The following CHRNA7 variants were observed in gnomAD, a reference collection of about 807,000 sequenced individuals.
CHRNA7 encodes the protein cholinergic receptor nicotinic alpha 7 subunit, also known as neuronal acetylcholine receptor subunit alpha-7.
A neutral mutation model predicts 48.0 loss-of-function variants in CHRNA7; 17 were observed. That is an observed-to-expected ratio of 0.35 (90% confidence interval 0.24 to 0.53). The LOEUF is 0.53. Among genes scored for constraint, CHRNA7 ranks in the 20% least tolerant of loss-of-function variants. CHRNA7 has a pLI of 0.92. For missense variants in CHRNA7, 155 were observed against 577.7 expected (o/e 0.27, Z 7.50); for synonymous variants, 75 against 242.3 (o/e 0.31, Z 6.41).
chr15:32,138,726 CTGTTA>C (rs1555386929), intron 4 of CHRNA7, among the ~76,000 whole-genome samples: 2 of 73,454 alleles, frequency 2.7e-5, no homozygotes, highest in Admixed American at 2.9e-4. Context: ...AGCCATTGAC[CTGTTA>C]TGTTTTGTTT....
At chr15:32,136,892 C>T (rs1472626960) in intron 4 of CHRNA7, among the ~76,000 whole-genome samples, 5 of 149,924 alleles carry the variant, frequency 3.3e-5, no homozygotes, top group African/African-American at 9.9e-5. Context: ...ATTAGCCGGG[C>T]GTGGTGGCGG....
At chr15:32,069,970 T>C (rs965645283) in intron 2 of CHRNA7, among the ~76,000 whole-genome samples, 2 of 152,112 alleles carry the variant, frequency 1.3e-5, no homozygotes, top group African/African-American at 2.4e-5. Context: ...TATCTGATTT[T>C]CCCCCCGCCC....
Position 32,101,333 on chromosome 15 carries a change from A to G in CHRNA7, c.226A>G (p.Ile76Val). 6.3e-7 allele frequency: 1 copy of G among 1,593,274 alleles called. No individual in the cohort carries two copies. The highest frequency in any genetic ancestry group is 8.5e-7 in the Non-Finnish European group (1 of 1,173,512). The change falls in exon 3 of 10, where the codon ATT becomes GTT. Residue 76 changes from isoleucine (I) to valine (V), a missense_variant. Ile to Val is a conservative substitution (Grantham distance 29). Transcript: ENST00000306901. Reference sequence around the variant, plus strand: ...GAAGAACCAAGTTTTAACCACCAACATTTGGCTGCAAATGGTAAGTTAAGA... The same window carrying G: ...GAAGAACCAAGTTTTAACCACCAACGTTTGGCTGCAAATGGTAAGTTAAGA... ...DEKNQVLTTN[I>V]WLQMSWTDHY...
chr15:32,037,317 T>C (rs1382161145), intron 2 of CHRNA7, among the ~76,000 whole-genome samples: 2 of 152,222 alleles, frequency 1.3e-5, no homozygotes, highest in Non-Finnish European at 2.9e-5. Context: ...AATAACACAG[T>C]CTTGATTACT....
intron 4 of CHRNA7, among the ~76,000 whole-genome samples, chr15:32,150,950 G>C (rs75918022): frequency 0.09 from 13,642 of 152,100 alleles, 867 homozygotes; most frequent in Non-Finnish European, 0.14. Flanking sequence ...GAAGTAAGGG[G>C]GGGGGATGTG....
At chr15:32,148,127 T>G (rs2051530452) in intron 4 of CHRNA7, among the ~76,000 whole-genome samples, 1 of 152,222 alleles carries the variant, frequency 6.6e-6, no homozygotes, top group Non-Finnish European at 1.5e-5. Flanking sequence ...ACATGAGACC[T>G]TACTATTTAG....
At chr15:32,082,327 T>A (rs1252725395) in intron 2 of CHRNA7, among the ~76,000 whole-genome samples, 2 of 81,142 alleles carry the variant, frequency 2.5e-5, no homozygotes, top group Non-Finnish European at 5.8e-5. Context: ...ACTCCAATTA[T>A]ATGATTATTA....
intron 2 of CHRNA7, among the ~76,000 whole-genome samples, chr15:32,080,141 A>G (rs1412355828): frequency 6.6e-6 from 1 of 152,224 alleles, no homozygotes; most frequent in Non-Finnish European, 1.5e-5. Flanking sequence ...ACCATATACA[A>G]ATATTAACTC....
rs574307219 is a variant in CHRNA7, at chr15:32,143,433, A to T, written c.351-10474A>T. Among the ~76,000 whole-genome samples, 3 of 152,326 alleles carry T rather than the reference A, an allele frequency of 2.0e-5. No homozygotes were observed. In the South Asian group the frequency reaches 6.2e-4, roughly 32 times the overall value. ...GTGGAGAGTTCTGTAGATATCTATT[A>T]GGTTCACTTGGGGCAGAGCTAAGTT... On this transcript the variant is annotated intron_variant, in intron 4 of 9. Transcript: ENST00000306901.
At chr15:32,093,678 C>T (rs2050419460) in intron 2 of CHRNA7, among the ~76,000 whole-genome samples, 1 of 152,206 alleles carries the variant, frequency 6.6e-6, no homozygotes. Flanking sequence ...CATTTATTCT[C>T]CCTAAAGGAG....
intron 2 of CHRNA7, among the ~76,000 whole-genome samples, chr15:32,067,837 A>G (rs2049990590): frequency 6.6e-6 from 1 of 152,244 alleles, no homozygotes; most frequent in Non-Finnish European, 1.5e-5. Context: ...CAAGATTGTT[A>G]GAAGTCAAGA....
At chr15:32,120,237 G>A (rs181620776) in intron 4 of CHRNA7, among the ~76,000 whole-genome samples, 5 of 152,202 alleles carry the variant, frequency 3.3e-5, no homozygotes, top group African/African-American at 9.6e-5. Flanking sequence ...CCAGTCTCTC[G>A]ACACATCAGG....
At chr15:32,107,296 A>G (rs939850514) in intron 3 of CHRNA7, among the ~76,000 whole-genome samples, 2 of 152,220 alleles carry the variant, frequency 1.3e-5, no homozygotes, top group African/African-American at 2.4e-5. Flanking sequence ...TGGTGTACCC[A>G]GGCTACCCAC....
At chr15:32,132,696 G>A (rs1037845835) in intron 4 of CHRNA7, among the ~76,000 whole-genome samples, 8 of 152,200 alleles carry the variant, frequency 5.3e-5, no homozygotes, top group East Asian at 1.9e-4. Context: ...AGAGGGGCAC[G>A]TGCTGGCTTC....
chr15:32,083,050 C>T (rs1299653936), intron 2 of CHRNA7, among the ~76,000 whole-genome samples: 2 of 152,160 alleles, frequency 1.3e-5, no homozygotes, highest in African/African-American at 2.4e-5. Flanking sequence ...TCATGATAAC[C>T]TGACTTTCTA....
intron 2 of CHRNA7, among the ~76,000 whole-genome samples, chr15:32,045,195 A>G (rs2049519148): frequency 6.6e-6 from 1 of 152,120 alleles, no homozygotes; most frequent in African/African-American, 2.4e-5. Flanking sequence ...TTCTTAAGAC[A>G]CTTTGTGCCT....
At chr15:32,116,328 G>A (rs1207215510) in intron 4 of CHRNA7, among the ~76,000 whole-genome samples, 1 of 152,142 alleles carries the variant, frequency 6.6e-6, no homozygotes, top group Non-Finnish European at 1.5e-5. Context: ...AAAGTGGCTG[G>A]GTCACTGCAA....
intron 2 of CHRNA7, among the ~76,000 whole-genome samples, chr15:32,045,904 T>C (rs897627266): frequency 1.4e-5 from 2 of 148,070 alleles, no homozygotes; most frequent in African/African-American, 5.0e-5. Context: ...CATCTATGAG[T>C]GAGAACATGT....
At chr15:32,057,486 T>A (rs1257359453) in intron 2 of CHRNA7, among the ~76,000 whole-genome samples, 6 of 152,218 alleles carry the variant, frequency 3.9e-5, no homozygotes, top group Non-Finnish European at 8.8e-5. Flanking sequence ...TTTTGGTGTG[T>A]TAACTTGGAA....
Sources: allele counts gnomAD v4.1 joint callset (sites outside exome capture counted in the v4.1 genomes callset), GRCh38; gene constraint gnomAD v4.1.1; transcripts MANE v1.5; gene names NCBI Gene and HGNC (gene_info 2026-07-23, HGNC 2026-07-21).